The following SLC17A7 variants were observed in gnomAD, a reference collection of about 807,000 sequenced individuals.
SLC17A7 encodes solute carrier family 17 member 7.
Under a neutral mutation model 59.1 loss-of-function variants are expected in SLC17A7, and 15 were observed. That is an observed-to-expected ratio of 0.25 (90% CI 0.17 to 0.39). The LOEUF is 0.39. SLC17A7 is among the 10% of genes least tolerant of loss of function. The pLI, the probability that SLC17A7 is intolerant of heterozygous loss-of-function variation, is 1.00. For synonymous variants in SLC17A7, 353 were observed against 308.9 expected (o/e 1.14, Z -1.50); for missense variants, 499 against 765.1 (o/e 0.65, Z 4.10).
Position 49,435,265 on chromosome 19 carries a change from G to C in SLC17A7, c.337C>G (p.Pro113Ala). ...CCGTGTATGAGGCCGACAGTCTCTG[G>C]ATCCCAGCTGAACTGGGCTTTCTGC... ...VVQKAQFSWD[P>A]ETVGLIHGSF... The change falls in exon 3 of 12, where the codon CCA becomes GCA. Residue 113 changes from proline to alanine, a missense_variant. Pro to Ala is a conservative substitution (Grantham distance 27). This residue lies in a region of SLC17A7 where 323 missense variants were observed against 607.2 expected (regional missense o/e 0.53). Transcript: ENST00000221485. The C allele has an allele frequency of 6.2e-7, 1 of 1,613,982 alleles. No homozygotes were observed. Among genetic ancestry groups the C allele is most frequent in the Non-Finnish European group, 8.5e-7 (1 of 1,179,924 alleles).
chr19:49,436,516 CG>C lies in SLC17A7; in HGVS notation c.315+32del. On this transcript the variant is annotated intron_variant, in intron 2 of 11. Coordinates refer to ENST00000221485, the MANE Select transcript of SLC17A7 (RefSeq NM_020309.4). The surrounding 1 kb of genome is among the most constrained non-coding windows in gnomAD (Gnocchi z 4.1). Reference sequence around the variant, plus strand: ...CGTAGGCGGAGCTCGGTGAGCGGGGCGGGGCTCTGCAAGGGCTCAGGCCTTG... The same window carrying C: ...CGTAGGCGGAGCTCGGTGAGCGGGGCGGGCTCTGCAAGGGCTCAGGCCTTG... 1 of 1,600,810 alleles carries C rather than the reference CG, an allele frequency of 6.2e-7. No homozygotes were observed. Among genetic ancestry groups the C allele is most frequent in the Non-Finnish European group, 8.5e-7 (1 of 1,174,938 alleles).
chr19:49,431,516 C>G lies in SLC17A7; in HGVS notation c.1151-68G>C. On this transcript the variant is annotated intron_variant, in intron 9 of 11. Coordinates refer to ENST00000221485, the MANE Select transcript of SLC17A7 (RefSeq NM_020309.4). This position sits in a 1 kb window ranked among gnomAD's most constrained non-coding sequence, Gnocchi z 4.6. ...GAGCAAGGCGCAGGCTGCCCCACAC[C>G]GCCCTTCCAGACCTGCTCCAGCCCC... is the stretch of plus-strand genomic sequence containing the variant. The G allele has an allele frequency of 7.4e-7, 1 of 1,353,578 alleles. No homozygotes were observed. The highest frequency in any genetic ancestry group is 1.8e-5 in the Admixed American group (1 of 54,224). 83.8% of individuals were successfully genotyped at this position (1,353,578 alleles called of 1,614,324 possible).
chr19:49,437,281 C>G (rs1402696084), intron 1 of SLC17A7: 1 of 164,988 alleles, frequency 6.1e-6, no homozygotes, highest in Non-Finnish European at 1.3e-5. Context: ...GTCCAGGACC[C>G]TGGGAATCCA....
At chr19:49,432,492 A>G in intron 9 of SLC17A7, 27 bp downstream of exon 9, 1 of 1,606,792 alleles carries the variant, frequency 6.2e-7, no homozygotes, top group East Asian at 2.2e-5. Flanking sequence ...GCTGTCCTAG[A>G]GCCGGCCCAG....
At chr19:49,430,960 G>T in intron 11 of SLC17A7, 55 bp downstream of exon 11, 1 of 1,571,576 alleles carries the variant, frequency 6.4e-7, no homozygotes, top group Non-Finnish European at 8.6e-7. Flanking sequence ...CACGTGGTCA[G>T]TTAGGTACGA....
In SLC17A7 at chr19:49,433,667, G is replaced by C; in HGVS notation, c.867+59C>G. ...AGGAACCGTCCCTGATCTACACGCT[G>C]TGCAGGTTCGTGGCTTGCTATCTCT... On this transcript the variant is annotated intron_variant, in intron 7 of 11. Transcript: ENST00000221485. The surrounding 1 kb of genome is among the most constrained non-coding windows in gnomAD (Gnocchi z 5.7). 2 of 1,609,364 alleles carry C rather than the reference G, an allele frequency of 1.2e-6. No homozygotes were observed. The highest frequency in any genetic ancestry group is 1.7e-6 in the Non-Finnish European group (2 of 1,176,088).
intron 9 of SLC17A7, 39 bp downstream of exon 9, chr19:49,432,480 A>C (rs1457867632): frequency 6.3e-7 from 1 of 1,597,860 alleles, no homozygotes; most frequent in Non-Finnish European, 8.5e-7. Context: ...TGCTCCACCC[A>C]GGCTGTCCTA....
At chr19:49,435,090 C>T (rs1032227578) in intron 3 of SLC17A7, 78 bp downstream of exon 3, 7 of 1,203,670 alleles carry the variant, frequency 5.8e-6, no homozygotes, top group African/African-American at 4.5e-5. Flanking sequence ...AGAGCCAGCC[C>T]GCAAATTCAA....
In SLC17A7 at chr19:49,431,458, CG is replaced by C. The variant is rs74182054; in HGVS notation, c.1151-11del. On this transcript the variant is annotated splice_polypyrimidine_tract_variant and intron_variant, in intron 9 of 11. Transcript: ENST00000221485. The surrounding 1 kb of genome is among the most constrained non-coding windows in gnomAD (Gnocchi z 4.6). The stretch of plus-strand genomic sequence containing the variant: ...GCTTCCATGCCGAAGCCTACGGGGG[CG>C]GGGGGGGCCCGCGTCTCCTGAGTGT... The C allele has an allele frequency of 1.2e-4, 194 of 1,602,666 alleles. No individual in the cohort carries two copies. The highest frequency in any genetic ancestry group is 2.4e-4 in the Admixed American group (14 of 59,500).
At position 49,430,614 on chromosome 19, in the gene SLC17A7, G is replaced by A. The variant is rs1435925988; in HGVS notation, c.1588C>T (p.Pro530Ser). The A allele has an allele frequency of 3.7e-6, 6 of 1,613,856 alleles. No homozygotes were observed. Among genetic ancestry groups the A allele is most frequent in the Admixed American group, 3.3e-5 (2 of 60,000 alleles). ...GGGGGTGCAGGGGGTGCCCCCGGGG[G>A]CTCAGCCTCATCCTCCATTTCGCTG... ...DDSEMEDEAE[P>S]PGAPPAPPPS... Residue 530 changes from proline (P) to serine (S), a missense_variant, in exon 12 of 12, where the codon CCC becomes TCC. By Grantham distance (74) the Pro-to-Ser change is moderately conservative. This residue lies in a region of SLC17A7 where 98 missense variants were observed against 77.5 expected (regional missense o/e 1.27). Coordinates refer to ENST00000221485, the MANE Select transcript of SLC17A7 (RefSeq NM_020309.4).
chr19:49,432,700 G>C (rs202191497), intron 8 of SLC17A7, 49 bp from the exon 9 acceptor site: 36 of 1,604,402 alleles, frequency 2.2e-5, no homozygotes, highest in Admixed American at 2.2e-4. Flanking sequence ...CCGCCGGCTC[G>C]GCGTCTCTGC....
chr19:49,434,338 T>C (rs150961618), intron 5 of SLC17A7, among the ~76,000 whole-genome samples: 1,833 of 111,234 alleles, frequency 0.016, 18 homozygotes, highest in Non-Finnish European at 0.023. Context: ...CCCCAGCTCC[T>C]CCTCTCAGAC....
At chr19:49,437,327 T>C (rs2078983440) in intron 1 of SLC17A7, 1 of 159,956 alleles carries the variant, frequency 6.3e-6, no homozygotes, top group Non-Finnish European at 1.4e-5. Flanking sequence ...GAACCTTGAG[T>C]CCAGGCTGCC....
chr19:49,433,572 G>T lies in SLC17A7; in HGVS notation c.867+154C>A. On this transcript the variant is annotated intron_variant, in intron 7 of 11. Coordinates refer to ENST00000221485, the MANE Select transcript of SLC17A7 (RefSeq NM_020309.4). This position sits in a 1 kb window ranked among gnomAD's most constrained non-coding sequence, Gnocchi z 5.7. The stretch of plus-strand genomic sequence containing the variant: ...AGCACCTGAGAATCTCGTCCTCCGC[G>T]GGTTGCAACCCGCCTCCTAGGTTCT... 1 of 1,050,420 alleles carries T rather than the reference G, an allele frequency of 9.5e-7. No individual in the cohort carries two copies. Among genetic ancestry groups the T allele is most frequent in the Non-Finnish European group, 1.4e-6 (1 of 697,190 alleles). 65.1% of individuals were successfully genotyped at this position (1,050,420 alleles called of 1,614,324 possible). A position where few individuals can be genotyped will look rare whatever the true frequency, so the allele number is the denominator to read the frequency against.
Position 49,431,647 on chromosome 19 carries a change from C to T in SLC17A7, c.1151-199G>A, listed in dbSNP as rs1287349318. On this transcript the variant is annotated intron_variant, in intron 9 of 11. Transcript: ENST00000221485. The surrounding 1 kb of genome is among the most constrained non-coding windows in gnomAD (Gnocchi z 4.6). Reference sequence around the variant, plus strand: ...AACCAGGCCCCTACTTCTCCAAGACCCAGCCCTGACCACGCCCACCAGCTC... The same window carrying T: ...AACCAGGCCCCTACTTCTCCAAGACTCAGCCCTGACCACGCCCACCAGCTC... Among the ~76,000 whole-genome samples, 2 of 152,132 alleles carry T rather than the reference C, an allele frequency of 1.3e-5. No individual in the cohort carries two copies. Among genetic ancestry groups the T allele is most frequent in the African/African-American group, 4.8e-5 (2 of 41,420 alleles).
At chr19:49,437,035 G>A in intron 1 of SLC17A7, 2 of 606,350 alleles carry the variant, frequency 3.3e-6, no homozygotes, top group Non-Finnish European at 2.9e-6. Flanking sequence ...CACATTGACG[G>A]TCTTCAGTCC....
chr19:49,430,267 A>T lies in SLC17A7; in HGVS notation c.*252T>A. On this transcript the variant is annotated 3_prime_UTR_variant, in exon 12 of 12. Transcript: ENST00000221485. ...GCCCTGAAAGGAGAGATTTGAAACC[A>T]CTGAGGCAGAACGGGTGGAGAGGGA... 1 of 397,232 alleles carries T rather than the reference A, an allele frequency of 2.5e-6. No individual in the cohort carries two copies. The highest frequency in any genetic ancestry group is 4.5e-6 in the Non-Finnish European group (1 of 222,988). 24.6% of individuals were successfully genotyped at this position (397,232 alleles called of 1,614,324 possible).
In SLC17A7 at chr19:49,431,758, T is replaced by C. The variant is rs914495792; in HGVS notation, c.1151-310A>G. 6.7e-6 allele frequency among the ~76,000 whole-genome samples: 1 copy of C among 148,506 alleles called. No individual in the cohort carries two copies. Among genetic ancestry groups the C allele is most frequent in the African/African-American group, 2.5e-5 (1 of 40,318 alleles). ...TGCTGTGCACGCTCACACCTTCCCC[T>C]CAATCCCCACTCATGAGTTTTTGGT... is the stretch of plus-strand genomic sequence containing the variant. On this transcript the variant is annotated intron_variant, in intron 9 of 11. Coordinates refer to ENST00000221485, the MANE Select transcript of SLC17A7 (RefSeq NM_020309.4). This position sits in a 1 kb window ranked among gnomAD's most constrained non-coding sequence, Gnocchi z 4.6.
chr19:49,441,219 C>A, intron 1 of SLC17A7, 99 bp downstream of exon 1: 1 of 1,533,140 alleles, frequency 6.5e-7, no homozygotes, highest in Non-Finnish European at 8.8e-7. Context: ...ACCCCCATGC[C>A]GGGGTATCGC....
Sources: gnomAD v4.1 joint callset for allele counts (sites outside exome capture counted in the v4.1 genomes callset) on GRCh38, gnomAD v4.1.1 for gene constraint, gnomAD v4.1.1 regional missense constraint, Gnocchi (gnomAD v3.1) non-coding constraint, MANE v1.5 for transcripts, NCBI Gene and HGNC (gene_info 2026-07-23, HGNC 2026-07-21) for gene names.